Variants in FSTL5 observed in about 807,000 individuals in gnomAD.
The protein encoded by FSTL5 is follistatin-related protein 5.
A neutral mutation model predicts 89.1 loss-of-function variants in FSTL5; 62 were observed. The ratio of observed to expected loss-of-function variants is 0.70; its 90% CI spans 0.57 to 0.86. The LOEUF is 0.86. Among genes scored for constraint, FSTL5 ranks in the 40% least tolerant of loss-of-function variants. FSTL5 has a pLI of 0.00. For synonymous variants in FSTL5, 383 were observed against 346.2 expected (o/e 1.11, Z -1.18); for missense variants, 1,057 against 1,001.6 (o/e 1.06, Z -0.75).
intron 2 of FSTL5, among the ~76,000 whole-genome samples, chr4:162,050,562 C>A (rs1394891847): frequency 6.7e-6 from 1 of 149,674 alleles, no homozygotes; most frequent in African/African-American, 2.4e-5. Context: ...ACCATTTTTC[C>A]TTTTCACCTT....
At chr4:161,953,579 A>G (rs574839711) in intron 3 of FSTL5, among the ~76,000 whole-genome samples, 2 of 151,804 alleles carry the variant, frequency 1.3e-5, no homozygotes, top group South Asian at 2.1e-4. Context: ...TAGAATTTGC[A>G]TACTTCTTTT....
intron 1 of FSTL5, among the ~76,000 whole-genome samples, chr4:162,132,518 C>A (rs1230098126): frequency 6.6e-6 from 1 of 152,112 alleles, no homozygotes; most frequent in Non-Finnish European, 1.5e-5. Flanking sequence ...AGAACTGTAA[C>A]ACTCACCGCG....
chr4:161,979,113 T>G (rs1735743217), intron 3 of FSTL5, among the ~76,000 whole-genome samples: 1 of 152,178 alleles, frequency 6.6e-6, no homozygotes, highest in African/African-American at 2.4e-5. Flanking sequence ...GCTTCTTGAA[T>G]CTGGTCTTGG....
chr4:161,780,809 C>G (rs1395151678), intron 4 of FSTL5, among the ~76,000 whole-genome samples: 4 of 152,122 alleles, frequency 2.6e-5, no homozygotes, highest in African/African-American at 9.7e-5. Flanking sequence ...ATAGATTATA[C>G]CAATTATGCT....
chr4:161,971,342 G>C (rs573015797), intron 3 of FSTL5, among the ~76,000 whole-genome samples: 1 of 152,096 alleles, frequency 6.6e-6, no homozygotes, highest in African/African-American at 2.4e-5. Flanking sequence ...AGAAATTTAT[G>C]TTACAAATCC....
chr4:161,607,721 C>G (rs556892701), intron 7 of FSTL5, among the ~76,000 whole-genome samples: 3 of 152,090 alleles, frequency 2.0e-5, no homozygotes, highest in African/African-American at 4.8e-5. Context: ...GTTTTTGTGC[C>G]GCTTCTAATC....
chr4:161,824,758 C>G (rs1730612853), intron 4 of FSTL5, among the ~76,000 whole-genome samples: 1 of 152,098 alleles, frequency 6.6e-6, no homozygotes, highest in African/African-American at 2.4e-5. Flanking sequence ...TGGTGTATAG[C>G]AGAGCTACTG....
At chr4:161,505,424 CT>C (rs922000099) in intron 11 of FSTL5, among the ~76,000 whole-genome samples, 5 of 152,110 alleles carry the variant, frequency 3.3e-5, no homozygotes, top group African/African-American at 1.2e-4. Flanking sequence ...GTGTCAAGCT[CT>C]TTTTTAGGCC....
intron 7 of FSTL5, among the ~76,000 whole-genome samples, chr4:161,644,736 A>C (rs1736087562): frequency 6.6e-6 from 1 of 152,186 alleles, no homozygotes; most frequent in Non-Finnish European, 1.5e-5. Context: ...TGAAATGGTC[A>C]CATGTAAATT....
chr4:161,672,738 AAAGT>A (rs773814046), intron 6 of FSTL5, among the ~76,000 whole-genome samples: 176 of 146,382 alleles, frequency 1.2e-3, no homozygotes, highest in Non-Finnish European at 2.2e-3. Context: ...CTAAAAAAAA[AAAGT>A]AAGGTGTTTA....
At position 161,399,207 on chromosome 4, in the gene FSTL5, G is replaced by C. The variant is rs144085714; in HGVS notation, c.1842-12758C>G. Among the ~76,000 whole-genome samples the C allele has an allele frequency of 3.2e-3, 483 of 152,072 alleles. 1 individual carries two copies. The highest frequency in any genetic ancestry group is 3.7e-3 in the Non-Finnish European group (252 of 67,934). ...ACAGCTGACCCCTTAACAACATAGG[G>C]GATAGTGGCACTGATGTCATGAATG... On this transcript the variant is annotated intron_variant, in intron 15 of 15. Coordinates refer to ENST00000306100, the MANE Select transcript of FSTL5 (RefSeq NM_020116.5).
chr4:161,901,036 A>G (rs1174611325), intron 4 of FSTL5, among the ~76,000 whole-genome samples: 1 of 152,048 alleles, frequency 6.6e-6, no homozygotes, highest in East Asian at 1.9e-4. Context: ...TTTATTGTCA[A>G]ATTTTAAGAT....
chr4:161,749,991 A>G (rs1740340970), intron 6 of FSTL5, among the ~76,000 whole-genome samples: 1 of 151,926 alleles, frequency 6.6e-6, no homozygotes, highest in Admixed American at 6.6e-5. Flanking sequence ...CACATCTCTG[A>G]ATCCAAAAAA....
chr4:161,505,115 A>G (rs1730431887), intron 11 of FSTL5, among the ~76,000 whole-genome samples: 1 of 152,088 alleles, frequency 6.6e-6, no homozygotes, highest in African/African-American at 2.4e-5. Flanking sequence ...TTTTACTTTC[A>G]AGTGATCCTA....
intron 6 of FSTL5, among the ~76,000 whole-genome samples, chr4:161,705,957 T>TGTGTGTGTGTAG (rs1316005288): frequency 6.1e-4 from 19 of 31,124 alleles, no homozygotes; most frequent in East Asian, 2.6e-3. Context: ...TGTGTGTATA[T>TGTGTGTGTGTAG]ATATATATAT....
At chr4:161,699,453 C>T (rs999594521) in intron 6 of FSTL5, among the ~76,000 whole-genome samples, 8 of 152,236 alleles carry the variant, frequency 5.3e-5, no homozygotes, top group Admixed American at 1.3e-4. Flanking sequence ...CAGATTCCAG[C>T]GACTTCCATT....
chr4:161,890,655 T>C (rs1732957760), intron 4 of FSTL5, among the ~76,000 whole-genome samples: 1 of 130,744 alleles, frequency 7.6e-6, no homozygotes, highest in Non-Finnish European at 1.5e-5. Context: ...ACCATTGCAC[T>C]CCAGCCTGGG....
chr4:161,736,268 AT>A (rs1171802339), intron 6 of FSTL5, among the ~76,000 whole-genome samples: 1 of 151,992 alleles, frequency 6.6e-6, no homozygotes, highest in African/African-American at 2.4e-5. Context: ...CATCTAGCTC[AT>A]TTTTTATCAC....
intron 4 of FSTL5, among the ~76,000 whole-genome samples, chr4:161,812,257 T>C (rs1730172458): frequency 6.6e-6 from 1 of 152,196 alleles, no homozygotes; most frequent in African/African-American, 2.4e-5. Flanking sequence ...TTCTTAGAGA[T>C]ATTTAGGCCT....
Sources: allele counts gnomAD v4.1 joint callset (sites outside exome capture counted in the v4.1 genomes callset), GRCh38; gene constraint gnomAD v4.1.1; transcripts MANE v1.5; gene names NCBI Gene and HGNC (gene_info 2026-07-23, HGNC 2026-07-21).